The following SYNRG variants were observed in gnomAD, a reference collection of about 807,000 sequenced individuals.
SYNRG encodes the protein AP1 gamma subunit binding protein 1.
A neutral mutation model predicts 130.9 loss-of-function variants in SYNRG; 37 were observed. The observed-to-expected ratio is 0.28, with a 90% CI of 0.22 to 0.37. The LOEUF (loss-of-function observed/expected upper bound fraction) is 0.37. SYNRG is among the 10% of genes least tolerant of loss of function. The pLI is 1.00. For synonymous variants in SYNRG, 539 were observed against 568.1 expected (o/e 0.95, Z 0.73); for missense variants, 1,338 against 1,588.9 (o/e 0.84, Z 2.68).
chr17:37,529,908 A>G (rs2056439276), intron 19 of SYNRG: 1 of 1,483,992 alleles, frequency 6.7e-7, no homozygotes, highest in Non-Finnish European at 9.2e-7. Flanking sequence ...CTAGTTTTCA[A>G]GTGTTAACTG....
At chr17:37,535,660 T>A (rs1026436356) in intron 19 of SYNRG, among the ~76,000 whole-genome samples, 1 of 152,232 alleles carries the variant, frequency 6.6e-6, no homozygotes. Context: ...GGGACATAAA[T>A]AACTAGAAGT....
rs1027477155 is a variant in SYNRG, at chr17:37,529,880, T to C, written c.3666+6099A>G. On this transcript the variant is annotated intron_variant, in intron 19 of 21. Transcript: ENST00000612223. ...GGAGAGAAGAGATGGGTGGCTGATT[T>C]GGGGGTTGTATAGAAATCTAGTTTT... is the stretch of plus-strand genomic sequence containing the variant. 10 of 1,549,128 alleles carry C rather than the reference T, an allele frequency of 6.5e-6. No individual in the cohort carries two copies. The African/African-American group carries it at 1.1e-4, about 17-fold the overall frequency.
intron 8 of SYNRG, among the ~76,000 whole-genome samples, chr17:37,572,832 G>A (rs1273426174): frequency 6.6e-6 from 1 of 152,130 alleles, no homozygotes; most frequent in Non-Finnish European, 1.5e-5. Flanking sequence ...AATAACATGG[G>A]TTTTCCAAAG....
intron 1 of SYNRG, among the ~76,000 whole-genome samples, chr17:37,603,740 T>C (rs1394012106): frequency 6.6e-6 from 1 of 152,216 alleles, no homozygotes; most frequent in Non-Finnish European, 1.5e-5. Context: ...TCACCCAGGC[T>C]TTGTGGTTCA....
rs964779832 is a variant in SYNRG, at chr17:37,580,508, T to A, written c.590-2895A>T. Among the ~76,000 whole-genome samples, 269 of 133,710 alleles carry A rather than the reference T, an allele frequency of 2.0e-3. 2 individuals carry two copies. The highest frequency in any genetic ancestry group is 7.3e-3 in the Middle Eastern group (2 of 274). 87.7% of individuals were successfully genotyped at this position (133,710 alleles called of 152,430 possible). ...GTGTGTGTGTGTGTGTGTGTGTGTG[T>A]GTGAGAGAGAGAGAGAGAGAGAGAG... On this transcript the variant is annotated intron_variant, in intron 6 of 21. Coordinates refer to ENST00000612223, the MANE Select transcript of SYNRG (RefSeq NM_007247.6).
At chr17:37,558,218 T>C (rs2059261553) in intron 13 of SYNRG, among the ~76,000 whole-genome samples, 1 of 152,198 alleles carries the variant, frequency 6.6e-6, no homozygotes, top group Admixed American at 6.5e-5. Flanking sequence ...CTGAATATTC[T>C]TATAAGAGGT....
rs905988786 is a variant in SYNRG at position 37,516,851 on chromosome 17, A to G, written c.*2089T>C. On this transcript the variant is annotated 3_prime_UTR_variant, in exon 22 of 22. Coordinates refer to ENST00000612223, the MANE Select transcript of SYNRG (RefSeq NM_007247.6). ...TGTATAATTAGCTGGGGTCTTTACCATCATGCCCAGGGCTGGTCTCTAACT... is the reference window on the plus strand; with the variant it reads ...TGTATAATTAGCTGGGGTCTTTACCGTCATGCCCAGGGCTGGTCTCTAACT... 1 of 152,042 alleles carries G rather than the reference A, an allele frequency of 6.6e-6. No individual in the cohort carries two copies. Among genetic ancestry groups the G allele is most frequent in the South Asian group, 2.1e-4 (1 of 4,814 alleles). 9.4% of individuals were successfully genotyped at this position (152,042 alleles called of 1,614,324 possible).
intron 19 of SYNRG, among the ~76,000 whole-genome samples, chr17:37,534,894 T>C (rs1407033427): frequency 2.1e-5 from 3 of 140,392 alleles, no homozygotes; most frequent in Non-Finnish European, 3.0e-5. Context: ...GGTCGCAGAG[T>C]TCCATGTTAA....
rs200767743 is a variant in SYNRG at position 37,586,402 on chromosome 17, T to C, written c.371+17A>G. 92 of 1,613,874 alleles carry C rather than the reference T, an allele frequency of 5.7e-5. No individual in the cohort carries two copies. The East Asian group carries it at 2.0e-3, about 35-fold the overall frequency. ...ATAATGTATCTTTGTTATCCTTTAATTCTGGTGATCTCTTACTGCTGCTCT... is the reference window on the plus strand; with the variant it reads ...ATAATGTATCTTTGTTATCCTTTAACTCTGGTGATCTCTTACTGCTGCTCT... On this transcript the variant is annotated intron_variant, in intron 4 of 21. Transcript: ENST00000612223.
chr17:37,539,674 G>A (rs1021478803), intron 16 of SYNRG, among the ~76,000 whole-genome samples: 2 of 152,140 alleles, frequency 1.3e-5, no homozygotes, highest in Non-Finnish European at 2.9e-5. Context: ...CCCAGCCGCA[G>A]TTTATCTTTT....
intron 2 of SYNRG, among the ~76,000 whole-genome samples, chr17:37,598,552 C>T (rs1353259424): frequency 6.6e-6 from 1 of 152,190 alleles, no homozygotes; most frequent in Non-Finnish European, 1.5e-5. Flanking sequence ...AAAGTGTACA[C>T]AGTAAAAAAT....
intron 1 of SYNRG, among the ~76,000 whole-genome samples, chr17:37,608,986 G>GCCCCCCCCCCCCCCCCC (rs149268463): frequency 2.8e-5 from 3 of 107,008 alleles, no homozygotes; most frequent in Non-Finnish European, 3.9e-5. Context: ...GATTTGCCCC[G>GCCCCCCCCCCCCCCCCC]CCCCCCCCCA....
Position 37,585,356 on chromosome 17 carries a change from T to C in SYNRG, c.446A>G (p.Lys149Arg), listed in dbSNP as rs748660209. ...KRRQFEEQKQ[K>R]LRLLSSVKPK... ...TTTCACACTGCTCAAAAGTCTGAGC[T>C]TTTGCTTCTGCTCTTCAAACTGGCG... The change falls in exon 5 of 22, where the codon AAG becomes AGG. Residue 149 changes from lysine to arginine, a missense_variant. Coordinates refer to ENST00000612223, the MANE Select transcript of SYNRG (RefSeq NM_007247.6). 3 of 1,614,082 alleles carry C rather than the reference T, an allele frequency of 1.9e-6. No homozygotes were observed. Among genetic ancestry groups the C allele is most frequent in the Middle Eastern group, 1.6e-4 (1 of 6,062 alleles).
chr17:37,601,308 A>T (rs2063259142), intron 1 of SYNRG, among the ~76,000 whole-genome samples: 1 of 152,058 alleles, frequency 6.6e-6, no homozygotes, highest in South Asian at 2.1e-4. Context: ...ACCTCAGGTG[A>T]TCCACCCGCC....
intron 21 of SYNRG, among the ~76,000 whole-genome samples, chr17:37,519,546 A>T (rs996965894): frequency 6.6e-6 from 1 of 152,174 alleles, no homozygotes; most frequent in Non-Finnish European, 1.5e-5. Flanking sequence ...AAAACGAGAG[A>T]GTTAGAGAAC....
chr17:37,588,404 A>C (rs1262987329), intron 3 of SYNRG, among the ~76,000 whole-genome samples: 1 of 151,964 alleles, frequency 6.6e-6, no homozygotes, highest in Non-Finnish European at 1.5e-5. Context: ...CTGAGACTAC[A>C]GGCATGTGCC....
rs1436596176 is a variant in SYNRG at position 37,540,394 on chromosome 17, T to C, written c.3352A>G (p.Thr1118Ala). The C allele has an allele frequency of 6.2e-7, 1 of 1,613,796 alleles. No individual in the cohort carries two copies. Among genetic ancestry groups the C allele is most frequent in the Admixed American group, 1.7e-5 (1 of 59,990 alleles). ...PVIRDKYKDLTGEVEENERYA... is the reference protein window; with the variant it reads ...PVIRDKYKDLAGEVEENERYA... Reference sequence around the variant, plus strand: ...TCTCCTCTCACCTCCACCTCTCCCGTCAGGTCTTTGTACTTGTCTCGGATG... The same window carrying C: ...TCTCCTCTCACCTCCACCTCTCCCGCCAGGTCTTTGTACTTGTCTCGGATG... Residue 1118 changes from threonine to alanine, a missense_variant, in exon 16 of 22, where the codon ACG (threonine) becomes GCG (alanine). Thr to Ala is a moderately conservative substitution (Grantham distance 58). Coordinates refer to ENST00000612223, the MANE Select transcript of SYNRG (RefSeq NM_007247.6).
At chr17:37,554,873 T>A (rs2058992208) in intron 13 of SYNRG, among the ~76,000 whole-genome samples, 1 of 152,154 alleles carries the variant, frequency 6.6e-6, no homozygotes, top group Non-Finnish European at 1.5e-5. Flanking sequence ...ATATAAAGTT[T>A]TAGAGGGTAT....
chr17:37,558,448 A>C (rs952700979), intron 13 of SYNRG, among the ~76,000 whole-genome samples: 7 of 152,222 alleles, frequency 4.6e-5, no homozygotes, highest in Non-Finnish European at 1.0e-4. Flanking sequence ...AGCTTTGCAG[A>C]ACATAATTTG....
Sources: gnomAD v4.1 joint callset for allele counts (sites outside exome capture counted in the v4.1 genomes callset) on GRCh38, gnomAD v4.1.1 for gene constraint, MANE v1.5 for transcripts, NCBI Gene and HGNC (gene_info 2026-07-23, HGNC 2026-07-21) for gene names.